Variants in UPF3B observed in about 807,000 individuals in gnomAD.
UPF3B encodes the protein regulator of nonsense transcripts 3B.
UPF3B carries 7 observed loss-of-function variants against 40.3 expected under a neutral mutation model. The observed-to-expected ratio is 0.17, with a 90% CI of 0.10 to 0.33. UPF3B has a LOEUF of 0.33. Ranked by LOEUF, UPF3B falls within the 10% of genes least tolerant of loss-of-function variation. The probability of loss-of-function intolerance (pLI) is 1.00; values close to 1 mark genes in which losing one functional copy is unlikely to be tolerated. For synonymous variants in UPF3B, 117 were observed against 117.3 expected (o/e 1.00, Z 0.01); for missense variants, 229 against 358.9 (o/e 0.64, Z 2.93).
chrX:119,822,372 G>A (rs1436115014), intron 4 of UPF3B, among the ~76,000 whole-genome samples: 1 of 112,675 alleles, frequency 8.9e-6, no homozygotes, highest in Non-Finnish European at 1.9e-5. Flanking sequence ...ATGAACAACA[G>A]CTTTTGATTT....
chrX:119,808,313 A>C (rs189417946), intron 5 of UPF3B, among the ~76,000 whole-genome samples: 1 of 109,077 alleles, frequency 9.2e-6, no homozygotes, highest in East Asian at 2.9e-4. Context: ...GATATCAATT[A>C]AAGATGGATT....
intron 3 of UPF3B, among the ~76,000 whole-genome samples, chrX:119,825,879 C>A (rs1156627508): frequency 8.9e-6 from 1 of 112,277 alleles, no homozygotes; most frequent in African/African-American, 3.2e-5. Flanking sequence ...GAAGAGTCAG[C>A]CAGGTGTGGT....
chrX:119,826,235 C>G (rs186608608), intron 3 of UPF3B, among the ~76,000 whole-genome samples: 11 of 110,873 alleles, frequency 9.9e-5, no homozygotes, highest in Non-Finnish European at 1.9e-4. Flanking sequence ...ATTCCCAGCA[C>G]TTTGGGAGGT....
In UPF3B at chrX:119,842,580, T is replaced by TCACACACACACA. The variant is rs773370806; in HGVS notation, c.580+599_580+610dup. Among the ~76,000 whole-genome samples the TCACACACACACA allele has an allele frequency of 8.0e-4, 57 of 71,389 alleles. 1 individual carries two copies. The highest frequency in any genetic ancestry group is 2.3e-3 in the African/African-American group (37 of 16,323). 62.0% of individuals were successfully genotyped at this position (71,389 alleles called of 115,157 possible). Reference sequence around the variant, plus strand: ...GGGCGACAGAGCAAGACTCCATCTCTCACACACACACACACACACACACAT... The same window carrying TCACACACACACA: ...GGGCGACAGAGCAAGACTCCATCTCTCACACACACACACACACACACACACACACACACACAT... On this transcript the variant is annotated intron_variant, in intron 5 of 10. Transcript: ENST00000276201.
downstream of UPF3B, among the ~76,000 whole-genome samples, chrX:119,833,614 C>T (rs1226151181): frequency 8.9e-6 from 1 of 112,097 alleles, no homozygotes; most frequent in Non-Finnish European, 1.9e-5. Flanking sequence ...TCAAGCAATT[C>T]TCGTGCCTCA....
intron 3 of UPF3B, among the ~76,000 whole-genome samples, chrX:119,848,772 G>A (rs1047511208): frequency 9.0e-6 from 1 of 111,290 alleles, no homozygotes; most frequent in African/African-American, 3.3e-5. Context: ...TGAAATGGAG[G>A]GAAATCATAG....
Position 119,841,030 on chromosome X carries a change from A to C in UPF3B, c.807+46T>G, listed in dbSNP as rs1603370547. ...CGCATGCATATTTAAAGAAGTAGAT[A>C]CGTGCAATTTTTAGCAACATGCAGT... On this transcript the variant is annotated intron_variant, in intron 7 of 10. Coordinates refer to ENST00000276201, the MANE Select transcript of UPF3B (RefSeq NM_080632.3). 3 of 1,184,145 alleles carry C rather than the reference A, an allele frequency of 2.5e-6. No homozygotes were observed. In the East Asian group the frequency reaches 8.9e-5, roughly 35 times the overall value.
At chrX:119,824,624 C>T (rs1470035243) in intron 3 of UPF3B, among the ~76,000 whole-genome samples, 1 of 111,453 alleles carries the variant, frequency 9.0e-6, no homozygotes, top group Admixed American at 9.6e-5. Context: ...CCTGCCTTTG[C>T]AAGAAGCCTA....
chrX:119,852,852 C>T lies in UPF3B; in HGVS notation c.77G>A (p.Gly26Asp), dbSNP rs2056319086. 1 of 1,211,243 alleles carries T rather than the reference C, an allele frequency of 8.3e-7. No homozygotes were observed. Among genetic ancestry groups the T allele is most frequent in the Admixed American group, 2.2e-5 (1 of 45,931 alleles). ...LLTPAGATGS[G>D]GGTSGDSSKG... ...GGAGCTGTCCCCCGAGGTCCCACCA[C>T]CGCTGCCTGTGGCCCCGGCGGGGGT... The change falls in exon 1 of 11, where the codon GGT becomes GAT. Residue 26 changes from glycine to aspartate, a missense_variant. Gly to Asp is a moderately conservative substitution (Grantham distance 94). This residue lies in a region of UPF3B where 23 missense variants were observed against 21.0 expected (regional missense o/e 1.10). Coordinates refer to ENST00000276201, the MANE Select transcript of UPF3B (RefSeq NM_080632.3).
intron 4 of UPF3B, among the ~76,000 whole-genome samples, chrX:119,821,745 C>T (rs760575139): frequency 1.0e-3 from 115 of 110,163 alleles, no homozygotes; most frequent in Admixed American, 5.0e-3. Context: ...TTGCAGTGAG[C>T]CGAGATTGTG....
chrX:119,844,262 G>T (rs974649207), intron 4 of UPF3B, among the ~76,000 whole-genome samples: 85 of 111,022 alleles, frequency 7.7e-4, no homozygotes, highest in African/African-American at 2.4e-3. Flanking sequence ...TGTTGGCCAG[G>T]CTGGTCTCGA....
At chrX:119,850,456 G>A (rs2056289017) in intron 3 of UPF3B, among the ~76,000 whole-genome samples, 1 of 111,554 alleles carries the variant, frequency 9.0e-6, no homozygotes, top group African/African-American at 3.3e-5. Context: ...GGCTTGGGGA[G>A]ATTAATAAAA....
intron 10 of UPF3B, among the ~76,000 whole-genome samples, chrX:119,836,643 T>C (rs2056095658): frequency 9.3e-6 from 1 of 107,471 alleles, no homozygotes; most frequent in African/African-American, 3.5e-5. Context: ...GAGTTCATCA[T>C]ACTATTCGAT....
intron 1 of UPF3B, 107 bp downstream of exon 1, chrX:119,852,666 G>C (rs752740196): frequency 2.4e-5 from 27 of 1,116,137 alleles, no homozygotes; most frequent in Admixed American, 1.6e-4. Context: ...CAGGCGAAGA[G>C]ATAGAAGGAG....
chrX:119,809,583 G>A (rs1230091469), intron 5 of UPF3B, among the ~76,000 whole-genome samples: 1 of 111,523 alleles, frequency 9.0e-6, no homozygotes, highest in Non-Finnish European at 1.9e-5. Flanking sequence ...TTAGCCAGGT[G>A]TGGTGGTTCA....
At chrX:119,850,485 A>G (rs971222408) in intron 3 of UPF3B, among the ~76,000 whole-genome samples, 2 of 111,835 alleles carry the variant, frequency 1.8e-5, no homozygotes, top group Non-Finnish European at 3.8e-5. Context: ...AACAGTGGCA[A>G]TCCTTCAATT....
At chrX:119,831,784 T>C (rs2056039909), downstream of UPF3B, 3 of 634,690 alleles carry the variant, frequency 4.7e-6, no homozygotes, top group African/African-American at 7.4e-5. Flanking sequence ...AATATGTTAC[T>C]GTTACAACAA....
rs76304265 is a variant in UPF3B at position 119,846,506 on chromosome X, A to T, written c.371-1210T>A. 8.8e-4 allele frequency among the ~76,000 whole-genome samples: 59 copies of T among 67,413 alleles called. No individual in the cohort carries two copies. In the East Asian group the frequency reaches 0.012, roughly 14 times the overall value. 58.5% of individuals were successfully genotyped at this position (67,413 alleles called of 115,157 possible). On this transcript the variant is annotated intron_variant, in intron 3 of 10. Transcript: ENST00000276201. ...TTGTGCCACTGCACTCGAGCCTGGTAAAAAAAAAAAAAAAAAAAGAAAAAG... is the reference window on the plus strand; with the variant it reads ...TTGTGCCACTGCACTCGAGCCTGGTTAAAAAAAAAAAAAAAAAAGAAAAAG...
At chrX:119,836,501 T>A (rs1425809058) in intron 10 of UPF3B, among the ~76,000 whole-genome samples, 1 of 110,936 alleles carries the variant, frequency 9.0e-6, no homozygotes, top group Non-Finnish European at 1.9e-5. Flanking sequence ...AGAGTATTTA[T>A]CTCATATACT....
Sources: gnomAD v4.1 joint callset for allele counts (sites outside exome capture counted in the v4.1 genomes callset) on GRCh38, gnomAD v4.1.1 for gene constraint, gnomAD v4.1.1 regional missense constraint, MANE v1.5 for transcripts, NCBI Gene and HGNC (gene_info 2026-07-23, HGNC 2026-07-21) for gene names.